MED13L: variants seen among roughly 807,000 people sequenced by gnomAD.
The protein encoded by MED13L is mediator complex subunit 13L.
MED13L carries 7 observed loss-of-function variants against 220.9 expected under a neutral mutation model. That is an observed-to-expected ratio of 0.03 (90% CI 0.02 to 0.06). The LOEUF (loss-of-function observed/expected upper bound fraction) is 0.06, where lower values mean the gene tolerates loss of function less well. Among genes scored for constraint, MED13L ranks in the 10% least tolerant of loss-of-function variants. The probability of loss-of-function intolerance (pLI) is 1.00; values close to 1 mark genes in which losing one functional copy is unlikely to be tolerated. For missense variants in MED13L, 1,965 were observed against 2,760.5 expected (o/e 0.71, Z 6.46); for synonymous variants, 1,011 against 1,015.2 (o/e 1.00, Z 0.08).
intron 4 of MED13L, among the ~76,000 whole-genome samples, chr12:116,059,118 C>T (rs997948506): frequency 2.0e-5 from 3 of 152,148 alleles, no homozygotes; most frequent in East Asian, 1.9e-4. Flanking sequence ...CCCAGGATGG[C>T]GTGCAGTCAC....
At chr12:116,180,831 G>T (rs1235246495) in intron 2 of MED13L, among the ~76,000 whole-genome samples, 1 of 152,076 alleles carries the variant, frequency 6.6e-6, no homozygotes, top group Non-Finnish European at 1.5e-5. Flanking sequence ...AATCTAAATG[G>T]CTAGTCAAAG....
intron 2 of MED13L, among the ~76,000 whole-genome samples, chr12:116,154,583 T>C (rs998636206): frequency 6.6e-6 from 1 of 152,160 alleles, no homozygotes; most frequent in African/African-American, 2.4e-5. Context: ...CTCTGAGGGT[T>C]CCAGATAATT....
intron 24 of MED13L, 66 bp from the exon 25 acceptor site, chr12:115,975,379 T>C (rs755225303): frequency 5.6e-6 from 9 of 1,610,972 alleles, no homozygotes; most frequent in Admixed American, 5.0e-5. Context: ...TTATCACTTA[T>C]AAGACAAACA....
chr12:116,266,521 T>G (rs991690799), intron 1 of MED13L, among the ~76,000 whole-genome samples: 1 of 152,228 alleles, frequency 6.6e-6, no homozygotes, highest in African/African-American at 2.4e-5. Flanking sequence ...GCTCCCGCTC[T>G]GACTGCCAGG....
intron 2 of MED13L, among the ~76,000 whole-genome samples, chr12:116,191,839 A>C (rs1881308221): frequency 1.3e-5 from 2 of 152,044 alleles, no homozygotes; most frequent in Non-Finnish European, 2.9e-5. Context: ...ATTAATTTAA[A>C]AATCTACATT....
At chr12:116,209,456 T>C (rs192570403) in intron 2 of MED13L, among the ~76,000 whole-genome samples, 64 of 152,294 alleles carry the variant, frequency 4.2e-4, no homozygotes, top group Non-Finnish European at 5.9e-5. Flanking sequence ...TTTTTTAAAA[T>C]AGATGACTAT....
intron 14 of MED13L, among the ~76,000 whole-genome samples, chr12:115,998,719 T>C (rs1246852129): frequency 6.6e-6 from 1 of 152,254 alleles, no homozygotes; most frequent in Non-Finnish European, 1.5e-5. Flanking sequence ...CTAAATCATT[T>C]AGCCTCTCTT....
intron 2 of MED13L, among the ~76,000 whole-genome samples, chr12:116,147,980 G>T (rs1431862289): frequency 6.9e-6 from 1 of 145,380 alleles, no homozygotes; most frequent in Non-Finnish European, 1.5e-5. Flanking sequence ...TGGCCCGGGA[G>T]GCAGGAGGTT....
At chr12:116,188,948 T>A (rs919179892) in intron 2 of MED13L, among the ~76,000 whole-genome samples, 2 of 152,220 alleles carry the variant, frequency 1.3e-5, no homozygotes, top group African/African-American at 2.4e-5. Flanking sequence ...ATATACAGTT[T>A]AACCTTTCAT....
chr12:116,142,649 C>T (rs1877174873), intron 2 of MED13L, among the ~76,000 whole-genome samples: 2 of 151,980 alleles, frequency 1.3e-5, no homozygotes, highest in African/African-American at 4.8e-5. Flanking sequence ...TATTGCGCCA[C>T]AGCACTCCAG....
chr12:115,972,331 C>CCAAGGTTG, intron 25 of MED13L, 95 bp from the exon 26 acceptor site: 1 of 1,479,328 alleles, frequency 6.8e-7, no homozygotes, highest in East Asian at 2.3e-5. Flanking sequence ...AATTGAATTT[C>CCAAGGTTG]CAAGGTTGGG....
intron 1 of MED13L, among the ~76,000 whole-genome samples, chr12:116,263,152 C>A (rs531599300): frequency 1.6e-4 from 25 of 151,998 alleles, no homozygotes; most frequent in African/African-American, 5.5e-4. Flanking sequence ...TTTTGAAGTA[C>A]CTTTTCTTAT....
At chr12:116,175,939 T>C (rs1880028346) in intron 2 of MED13L, among the ~76,000 whole-genome samples, 1 of 152,126 alleles carries the variant, frequency 6.6e-6, no homozygotes, top group Admixed American at 6.5e-5. Flanking sequence ...GAGTCCAACA[T>C]AATATCGAAA....
intron 2 of MED13L, among the ~76,000 whole-genome samples, chr12:116,148,074 A>AAAAAAAAAAAAAAAAAGG (rs1377801971): frequency 1.0e-5 from 1 of 98,312 alleles, no homozygotes; most frequent in Admixed American, 1.2e-4. Flanking sequence ...AAAAAAAAAA[A>AAAAAAAAAAAAAAAAAGG]GAGGGGGGCG....
chr12:116,220,357 A>G (rs16946541), intron 2 of MED13L, among the ~76,000 whole-genome samples: 7,627 of 152,266 alleles, frequency 0.05, 305 homozygotes, highest in African/African-American at 0.11. Context: ...GCCAACTTCC[A>G]GATTCCCACT....
chr12:116,100,736 T>A (rs952107633), intron 3 of MED13L, among the ~76,000 whole-genome samples: 3 of 151,898 alleles, frequency 2.0e-5, no homozygotes, highest in African/African-American at 7.3e-5. Context: ...TGGAACCCTG[T>A]ATCTACAAAA....
In MED13L at chr12:116,225,362, G is replaced by A. The variant is rs980020153; in HGVS notation, c.310+12106C>T. On this transcript the variant is annotated intron_variant, in intron 2 of 30. Coordinates refer to ENST00000281928, the MANE Select transcript of MED13L (RefSeq NM_015335.5). ...ATAAAGCCTTTACCATAGTGATGAG[G>A]ATAACTGCTCCCAGCCACCTCTGCT... Among the ~76,000 whole-genome samples the A allele has an allele frequency of 2.0e-5, 3 of 152,224 alleles. No homozygotes were observed. The East Asian group carries it at 5.8e-4, about 29-fold the overall frequency.
chr12:116,224,181 A>T (rs867813290), intron 2 of MED13L, among the ~76,000 whole-genome samples: 2 of 152,162 alleles, frequency 1.3e-5, no homozygotes, highest in Non-Finnish European at 2.9e-5. Context: ...CCAACTACCT[A>T]TGAAGCCCAA....
chr12:115,996,344 C>T, intron 16 of MED13L, 132 bp downstream of exon 16: 9 of 998,968 alleles, frequency 9.0e-6, no homozygotes, highest in Middle Eastern at 3.1e-4. Flanking sequence ...TGCCCGCCTC[C>T]ACCTCCCAAA....
Sources: gnomAD v4.1 joint callset for allele counts (sites outside exome capture counted in the v4.1 genomes callset) on GRCh38, gnomAD v4.1.1 for gene constraint, MANE v1.5 for transcripts, NCBI Gene and HGNC (gene_info 2026-07-23, HGNC 2026-07-21) for gene names.